The following GAB2 variants were observed in gnomAD, a reference collection of about 807,000 sequenced individuals.
GAB2 encodes the protein GRB2 associated binding protein 2.
A neutral mutation model predicts 65.5 loss-of-function variants in GAB2; 26 were observed. That is an observed-to-expected ratio of 0.40 (90% CI 0.29 to 0.55). The LOEUF is 0.55. Among genes scored for constraint, GAB2 ranks in the 20% least tolerant of loss-of-function variants. GAB2 has a pLI of 0.53. For missense variants in GAB2, 884 were observed against 875.8 expected (o/e 1.01, Z -0.12); for synonymous variants, 321 against 329.6 (o/e 0.97, Z 0.28).
At position 78,230,383 on chromosome 11, in the gene GAB2, C is replaced by T. The variant is rs140965548; in HGVS notation, c.621-3332G>A. ...TTGCATTACTCACCTCCCTGTGGAA[C>T]GCTTCCTTGATACATCAACACCTTA... On this transcript the variant is annotated intron_variant, in intron 3 of 9. Transcript: ENST00000361507. 1.3e-3 allele frequency among the ~76,000 whole-genome samples: 205 copies of T among 152,342 alleles called. 1 individual carries two copies. The highest frequency in any genetic ancestry group is 4.7e-3 in the African/African-American group (197 of 41,580).
rs1040594571 is a variant in GAB2 at position 78,244,443 on chromosome 11, C to G, written c.620+5714G>C. Reference sequence around the variant, plus strand: ...GGGACTATATTAAACTAAAAATCTTCTGCACAGCAAAGGGAAACAATCAAC... The same window carrying G: ...GGGACTATATTAAACTAAAAATCTTGTGCACAGCAAAGGGAAACAATCAAC... On this transcript the variant is annotated intron_variant, in intron 3 of 9. Transcript: ENST00000361507. Among the ~76,000 whole-genome samples, 3 of 151,808 alleles carry G rather than the reference C, an allele frequency of 2.0e-5. No homozygotes were observed. In the South Asian group the frequency reaches 6.2e-4, roughly 32 times the overall value.
chr11:78,237,145 T>A (rs2134496852), intron 3 of GAB2, among the ~76,000 whole-genome samples: 1 of 152,310 alleles, frequency 6.6e-6, no homozygotes, highest in Admixed American at 6.5e-5. Flanking sequence ...CTTGGTAGAA[T>A]TTACCAGTAA....
chr11:78,249,580 C>T (rs1349632304), intron 3 of GAB2, among the ~76,000 whole-genome samples: 3 of 152,152 alleles, frequency 2.0e-5, no homozygotes, highest in Admixed American at 1.3e-4. Context: ...TCTAGAACTT[C>T]GTTATGATGG....
chr11:78,217,274 C>G lies in GAB2; in HGVS notation c.*1998G>C, dbSNP rs1366812640. On this transcript the variant is annotated 3_prime_UTR_variant, in exon 10 of 10. Coordinates refer to ENST00000361507, the MANE Select transcript of GAB2 (RefSeq NM_080491.3). Reference sequence around the variant, plus strand: ...TTTCTGATTGTGGCTATCTTAAGTTCAGGGAGAAGGTCTGATTGATTCTTG... The same window carrying G: ...TTTCTGATTGTGGCTATCTTAAGTTGAGGGAGAAGGTCTGATTGATTCTTG... 1 of 152,236 alleles carries G rather than the reference C, an allele frequency of 6.6e-6. No homozygotes were observed. The highest frequency in any genetic ancestry group is 1.9e-4 in the East Asian group (1 of 5,188). 9.4% of individuals were successfully genotyped at this position (152,236 alleles called of 1,614,324 possible).
Position 78,217,712 on chromosome 11 carries a change from C to T in GAB2, c.*1560G>A, listed in dbSNP as rs1056089166. On this transcript the variant is annotated 3_prime_UTR_variant, in exon 10 of 10. Transcript: ENST00000361507. ...CCTTGGGTGATGCCCTACACCCCGT[C>T]CCTGCTAATCTGATGGCCTTTCAAA... 6.6e-6 allele frequency: 1 copy of T among 152,288 alleles called. No individual in the cohort carries two copies. The highest frequency in any genetic ancestry group is 1.9e-4 in the East Asian group (1 of 5,194). The allele number at this position is 152,288 out of a possible 1,614,324, so 9.4% of individuals were successfully genotyped here.
chr11:78,272,366 A>C (rs1368896080), intron 2 of GAB2, among the ~76,000 whole-genome samples: 2 of 152,200 alleles, frequency 1.3e-5, no homozygotes, highest in Non-Finnish European at 2.9e-5. Flanking sequence ...ATGGACAATA[A>C]AGTCCAGGCT....
intron 3 of GAB2, among the ~76,000 whole-genome samples, chr11:78,230,294 C>T (rs998700943): frequency 2.0e-5 from 3 of 152,218 alleles, no homozygotes; most frequent in Non-Finnish European, 4.4e-5. Context: ...CCTCCTGTCT[C>T]GCTCACAGAA....
In GAB2 at chr11:78,351,314, A is replaced by G. The variant is rs570238840; in HGVS notation, c.75+66332T>C. 3.4e-4 allele frequency among the ~76,000 whole-genome samples: 51 copies of G among 152,144 alleles called. No homozygotes were observed. In the South Asian group the frequency reaches 7.1e-3, roughly 21 times the overall value. The stretch of plus-strand genomic sequence containing the variant: ...TACATACAAGATTTCGTATAGAAGC[A>G]TAACATAGAAGTAAAAGCAGAACTG... On this transcript the variant is annotated intron_variant, in intron 1 of 9. Transcript: ENST00000361507.
At chr11:78,417,613 C>A (rs779879440) in intron 1 of GAB2, 33 bp downstream of exon 1, 1 of 1,246,742 alleles carries the variant, frequency 8.0e-7, no homozygotes, top group South Asian at 1.6e-5. Flanking sequence ...GAGCGCCCCC[C>A]GCCCGCCCCT....
intron 1 of GAB2, among the ~76,000 whole-genome samples, chr11:78,283,884 CTTT>C (rs373850469): frequency 6.8e-6 from 1 of 146,476 alleles, no homozygotes; most frequent in Admixed American, 6.9e-5. Flanking sequence ...TTCTGAGATT[CTTT>C]TTTTTTTTTC....
At chr11:78,229,047 A>T (rs529289894) in intron 3 of GAB2, among the ~76,000 whole-genome samples, 1 of 152,300 alleles carries the variant, frequency 6.6e-6, no homozygotes, top group East Asian at 1.9e-4. Flanking sequence ...TGGTCTGGGA[A>T]TGTCACAGTA....
At chr11:78,309,971 T>TGTGTGTGCACGC (rs1421836447) in intron 1 of GAB2, among the ~76,000 whole-genome samples, 9 of 120,088 alleles carry the variant, frequency 7.5e-5, no homozygotes, top group African/African-American at 3.2e-4. Context: ...TGTGTGTGTG[T>TGTGTGTGCACGC]GCGCGCGCGC....
At chr11:78,288,917 T>G (rs992031776) in intron 1 of GAB2, among the ~76,000 whole-genome samples, 1 of 152,218 alleles carries the variant, frequency 6.6e-6, no homozygotes, top group African/African-American at 2.4e-5. Flanking sequence ...ATTTTAAGAC[T>G]TATTATATAG....
chr11:78,382,101 G>C (rs1856704988), intron 1 of GAB2, among the ~76,000 whole-genome samples: 1 of 152,162 alleles, frequency 6.6e-6, no homozygotes, highest in Non-Finnish European at 1.5e-5. Flanking sequence ...GATCCCTCCA[G>C]ACCTGGCTGA....
chr11:78,402,416 A>T (rs28435935), intron 1 of GAB2, among the ~76,000 whole-genome samples: 1 of 151,636 alleles, frequency 6.6e-6, no homozygotes, highest in Non-Finnish European at 1.5e-5. Context: ...ATACATTTTC[A>T]TTTTTGTTTA....
In GAB2 at chr11:78,290,827, A is replaced by G. The variant is rs1466254550; in HGVS notation, c.76-9926T>C. ...ATTTTATTTTTTTTAGAACGTAAGA[A>G]CTTTCTAAATGAGTGGTCCAAAGCA... On this transcript the variant is annotated intron_variant, in intron 1 of 9. Transcript: ENST00000361507. Among the ~76,000 whole-genome samples, 4 of 152,214 alleles carry G rather than the reference A, an allele frequency of 2.6e-5. No homozygotes were observed. The East Asian group carries it at 5.8e-4, about 22-fold the overall frequency.
At chr11:78,326,186 T>C (rs1193014209) in intron 1 of GAB2, among the ~76,000 whole-genome samples, 1 of 152,222 alleles carries the variant, frequency 6.6e-6, no homozygotes, top group Non-Finnish European at 1.5e-5. Context: ...TATCCATATC[T>C]AAATAACTTC....
rs544960154 is a variant in GAB2, at chr11:78,314,455, G to A, written c.76-33554C>T. Reference sequence around the variant, plus strand: ...GTAGCTTTAAGTGGTTAAGCATCTTGCCTGAAGTCAGTCCCCTAGGTTTAA... The same window carrying A: ...GTAGCTTTAAGTGGTTAAGCATCTTACCTGAAGTCAGTCCCCTAGGTTTAA... On this transcript the variant is annotated intron_variant, in intron 1 of 9. Transcript: ENST00000361507. Among the ~76,000 whole-genome samples, 17 of 152,276 alleles carry A rather than the reference G, an allele frequency of 1.1e-4. No homozygotes were observed. The South Asian group carries it at 3.1e-3, about 28-fold the overall frequency.
intron 1 of GAB2, among the ~76,000 whole-genome samples, chr11:78,386,844 A>C (rs956992073): frequency 6.6e-6 from 1 of 152,240 alleles, no homozygotes. Context: ...CCTACTGGCC[A>C]AAGTGACTAT....
Sources: allele counts gnomAD v4.1 joint callset (sites outside exome capture counted in the v4.1 genomes callset), GRCh38; gene constraint gnomAD v4.1.1; transcripts MANE v1.5; gene names NCBI Gene and HGNC (gene_info 2026-07-23, HGNC 2026-07-21).